The following NBDY variants were observed in gnomAD, a reference collection of about 807,000 sequenced individuals.
NBDY encodes the protein P-body dissociating protein.
intron 2 of NBDY, among the ~76,000 whole-genome samples, chrX:56,755,141 A>G (rs1336434214): frequency 8.9e-6 from 1 of 112,095 alleles, no homozygotes; most frequent in Non-Finnish European, 1.9e-5. Context: ...AAGTTAATTC[A>G]AGATGGATTA....
intron 2 of NBDY, among the ~76,000 whole-genome samples, chrX:56,759,269 C>A (rs1429798053): frequency 3.6e-5 from 4 of 112,091 alleles, no homozygotes; most frequent in African/African-American, 1.3e-4. Context: ...GCCCTATGAT[C>A]CCAGTCCACC....
chrX:56,731,818 T>C lies in NBDY; in HGVS notation c.*30-245T>C, dbSNP rs1249690815. Among the ~76,000 whole-genome samples, 3 of 111,548 alleles carry C rather than the reference T, an allele frequency of 2.7e-5. No individual in the cohort carries two copies. In the East Asian group the frequency reaches 8.4e-4, roughly 31 times the overall value. On this transcript the variant is annotated intron_variant, in intron 1 of 2. Transcript: ENST00000374922. ...TATAGACCAAGGGAAGTTGTATGAC[T>C]TGCCACAAGTTACACAGCAAGAAGT...
intron 2 of NBDY, 121 bp downstream of exon 2, chrX:56,732,320 A>ATAT (rs1418369029): frequency 3.6e-6 from 1 of 278,298 alleles, no homozygotes; most frequent in African/African-American, 2.8e-5. Context: ...AATTGAAACT[A>ATAT]TATTCTACAT....
At chrX:56,730,506 T>C (rs1362730632) in intron 1 of NBDY, among the ~76,000 whole-genome samples, 2 of 8,458 alleles carry the variant, frequency 2.4e-4, no homozygotes, top group African/African-American at 6.7e-4. Flanking sequence ...AGCAAAAAAC[T>C]ACGTCTCAAA....
chrX:56,800,941 C>T (rs181745221), intron 2 of NBDY, among the ~76,000 whole-genome samples: 1 of 110,947 alleles, frequency 9.0e-6, no homozygotes, highest in Non-Finnish European at 1.9e-5. Context: ...ATTTCCTCCC[C>T]GTTTTACATC....
chrX:56,748,561 A>C (rs367771008), intron 2 of NBDY, among the ~76,000 whole-genome samples: 54 of 108,133 alleles, frequency 5.0e-4, no homozygotes, highest in African/African-American at 1.7e-3. Context: ...TTGAGAAGGA[A>C]ATTCTGGGGA....
intron 2 of NBDY, among the ~76,000 whole-genome samples, chrX:56,810,617 C>G (rs1157135975): frequency 9.1e-6 from 1 of 110,122 alleles, no homozygotes; most frequent in East Asian, 2.9e-4. Context: ...TTATCTTCCT[C>G]TCTAAACTGG....
intron 2 of NBDY, among the ~76,000 whole-genome samples, chrX:56,796,170 G>T (rs1477467792): frequency 8.9e-6 from 1 of 111,982 alleles, no homozygotes; most frequent in Non-Finnish European, 1.9e-5. Flanking sequence ...TGGGGTGGGG[G>T]CAGCGGGGAG....
At chrX:56,737,301 G>A (rs1432312954) in intron 2 of NBDY, 1 of 957,126 alleles carries the variant, frequency 1.0e-6, no homozygotes, top group African/African-American at 1.9e-5. Context: ...TGCACATACA[G>A]TTCAAGGTAG....
At chrX:56,739,711 T>G (rs2069522614) in intron 2 of NBDY, among the ~76,000 whole-genome samples, 1 of 111,197 alleles carries the variant, frequency 9.0e-6, no homozygotes, top group African/African-American at 3.3e-5. Flanking sequence ...CTTTGATTAC[T>G]TGGTTAATGT....
At chrX:56,816,036 T>G (rs2069909262) in intron 2 of NBDY, among the ~76,000 whole-genome samples, 1 of 111,477 alleles carries the variant, frequency 9.0e-6, no homozygotes, top group Non-Finnish European at 1.9e-5. Flanking sequence ...ACATGCAAAT[T>G]TTATACGAAG....
At chrX:56,797,314 TCTC>T (rs1271161569) in intron 2 of NBDY, among the ~76,000 whole-genome samples, 2 of 109,040 alleles carry the variant, frequency 1.8e-5, no homozygotes, top group Admixed American at 9.9e-5. Context: ...CTACTTTTCT[TCTC>T]CTTCTTCTTC....
chrX:56,736,377 G>A (rs1251567944), intron 2 of NBDY, among the ~76,000 whole-genome samples: 4 of 111,857 alleles, frequency 3.6e-5, no homozygotes, highest in Admixed American at 2.8e-4. Context: ...CAATTCTCCT[G>A]CCGCAGCCTC....
At chrX:56,732,551 C>T (rs1300710298) in intron 2 of NBDY, among the ~76,000 whole-genome samples, 1 of 111,010 alleles carries the variant, frequency 9.0e-6, no homozygotes, top group African/African-American at 3.3e-5. Flanking sequence ...TATAGATTTT[C>T]TTGGATTATC....
chrX:56,756,049 C>A (rs1331566159), intron 2 of NBDY, among the ~76,000 whole-genome samples: 3 of 103,757 alleles, frequency 2.9e-5, no homozygotes, highest in African/African-American at 7.1e-5. Flanking sequence ...GGACAAAAAA[C>A]CAAACACTGC....
intron 2 of NBDY, among the ~76,000 whole-genome samples, chrX:56,793,930 G>A (rs1379284093): frequency 8.9e-6 from 1 of 112,085 alleles, no homozygotes; most frequent in Non-Finnish European, 1.9e-5. Flanking sequence ...GGGGCTCCCT[G>A]TTCCCCCTGT....
chrX:56,754,771 T>A (rs1013006742), intron 2 of NBDY, among the ~76,000 whole-genome samples: 1 of 109,208 alleles, frequency 9.2e-6, no homozygotes, highest in Non-Finnish European at 1.9e-5. Flanking sequence ...ACTCTACACC[T>A]AGAGGAACAA....
chrX:56,732,248 G>T (rs2069463154), intron 2 of NBDY, 49 bp downstream of exon 2: 1 of 289,634 alleles, frequency 3.5e-6, no homozygotes, highest in East Asian at 4.9e-5. Flanking sequence ...AAAAAAAAGA[G>T]TTGGTTTTGA....
intron 2 of NBDY, among the ~76,000 whole-genome samples, chrX:56,754,858 CAG>C (rs2069601469): frequency 9.0e-6 from 1 of 110,723 alleles, no homozygotes; most frequent in South Asian, 3.8e-4. Context: ...ATAAACAAAA[CAG>C]AGAATAGAAA....
Sources: allele counts gnomAD v4.1 joint callset (sites outside exome capture counted in the v4.1 genomes callset), GRCh38; gene constraint gnomAD v4.1.1; transcripts MANE v1.5; gene names NCBI Gene and HGNC (gene_info 2026-07-23, HGNC 2026-07-21).